The following ARL6 variants were observed in gnomAD, a reference collection of about 807,000 sequenced individuals.
ARL6 encodes ADP-ribosylation factor-like protein 6.
A neutral mutation model predicts 27.1 loss-of-function variants in ARL6; 18 were observed. The ratio of observed to expected loss-of-function variants is 0.66; its 90% CI spans 0.46 to 0.98. The LOEUF (loss-of-function observed/expected upper bound fraction) is 0.98. ARL6 is among the 50% of genes least tolerant of loss of function. The pLI is 0.00. For missense variants in ARL6, 187 were observed against 214.9 expected (o/e 0.87, Z 0.81); for synonymous variants, 65 against 72.3 (o/e 0.90, Z 0.51).
chr3:97,800,013 T>G lies in ARL6; in HGVS notation c.*1964T>G, dbSNP rs370982672. Reference sequence around the variant, plus strand: ...CTTTGCTTTTTTTGTTTTCTTTTTTTTTCTTTTAAAGCTATTAACACTACT... The same window carrying G: ...CTTTGCTTTTTTTGTTTTCTTTTTTGTTCTTTTAAAGCTATTAACACTACT... On this transcript the variant is annotated 3_prime_UTR_variant, in exon 8 of 8. Coordinates refer to ENST00000463745, the MANE Select transcript of ARL6 (RefSeq NM_001278293.3). The G allele has an allele frequency of 6.6e-6, 1 of 152,138 alleles. No homozygotes were observed. The highest frequency in any genetic ancestry group is 2.1e-4 in the South Asian group (1 of 4,832). 9.4% of individuals were successfully genotyped at this position (152,138 alleles called of 1,614,324 possible). A position where few individuals can be genotyped will look rare whatever the true frequency, so the allele number is the denominator to read the frequency against.
At chr3:97,774,125 C>T (rs927259978) in intron 2 of ARL6, among the ~76,000 whole-genome samples, 1 of 152,204 alleles carries the variant, frequency 6.6e-6, no homozygotes, top group Non-Finnish European at 1.5e-5. Context: ...CCCGGATAGT[C>T]ACCCCAGCCA....
rs2037384407 is a variant in ARL6, at chr3:97,785,032, C to T, written c.332C>T (p.Thr111Ile). The change falls in exon 5 of 8, where the codon ACT (threonine) becomes ATT (isoleucine). Residue 111 changes from threonine to isoleucine, a missense_variant. Coordinates refer to ENST00000463745, the MANE Select transcript of ARL6 (RefSeq NM_001278293.3). ...RMVVAKEELDTLLNHPDIKHR... is the reference protein window; with the variant it reads ...RMVVAKEELDILLNHPDIKHR... ...GTTGTGGCCAAAGAAGAACTCGATA[C>T]TCTTCTGAATCATCCAGGTATGTGT... is the stretch of plus-strand genomic sequence containing the variant. The T allele has an allele frequency of 6.2e-7, 1 of 1,611,798 alleles. No individual in the cohort carries two copies. The highest frequency in any genetic ancestry group is 8.5e-7 in the Non-Finnish European group (1 of 1,178,330).
At chr3:97,782,018 A>G (rs1267446287) in intron 4 of ARL6, among the ~76,000 whole-genome samples, 2 of 151,988 alleles carry the variant, frequency 1.3e-5, no homozygotes, top group African/African-American at 4.8e-5. Context: ...TTGAAGGCCT[A>G]TTTAAATCGT....
chr3:97,767,990 T>C, intron 1 of ARL6, 91 bp from the exon 2 acceptor site: 2 of 1,151,194 alleles, frequency 1.7e-6, no homozygotes, highest in Non-Finnish European at 2.5e-6. Context: ...ATTATGTGTA[T>C]TTAAATTATT....
At chr3:97,796,045 C>T (rs928263065) in intron 7 of ARL6, among the ~76,000 whole-genome samples, 9 of 152,058 alleles carry the variant, frequency 5.9e-5, no homozygotes, top group African/African-American at 1.4e-4. Context: ...CTTAGCCAGA[C>T]GTACTAAAAG....
chr3:97,778,530 T>C (rs2037020024), intron 2 of ARL6, among the ~76,000 whole-genome samples: 1 of 152,158 alleles, frequency 6.6e-6, no homozygotes, highest in Non-Finnish European at 1.5e-5. Context: ...TTTTCCCCTC[T>C]AATACTGTTT....
intron 2 of ARL6, among the ~76,000 whole-genome samples, chr3:97,777,229 T>C (rs2036953189): frequency 6.6e-6 from 1 of 152,180 alleles, no homozygotes. Flanking sequence ...ACTAACCAAA[T>C]AGGATCTCTC....
Position 97,768,072 on chromosome 3 carries a change from TA to T in ARL6, c.-27-7del. 2 of 1,611,014 alleles carry T rather than the reference TA, an allele frequency of 1.2e-6. No homozygotes were observed. Among genetic ancestry groups the T allele is most frequent in the South Asian group, 1.1e-5 (1 of 90,946 alleles). On this transcript the variant is annotated splice_region_variant and splice_polypyrimidine_tract_variant and intron_variant, in intron 1 of 7. Coordinates refer to ENST00000463745, the MANE Select transcript of ARL6 (RefSeq NM_001278293.3). ...CTTTGGGTAATATTTTATTTTTTCTTAATTGCAGCTGGTTTGTAAATATTTG... is the reference window on the plus strand; with the variant it reads ...CTTTGGGTAATATTTTATTTTTTCTTATTGCAGCTGGTTTGTAAATATTTG...
intron 4 of ARL6, 113 bp downstream of exon 4, chr3:97,780,796 A>G (rs2037159070): frequency 1.3e-6 from 1 of 798,858 alleles, no homozygotes. Context: ...CATGTAATTT[A>G]TGAACATTTC....
chr3:97,794,217 G>GTGTGTT (rs1235955944), intron 7 of ARL6, among the ~76,000 whole-genome samples: 2 of 145,678 alleles, frequency 1.4e-5, no homozygotes, highest in African/African-American at 5.5e-5. Flanking sequence ...GTGTGTGTGT[G>GTGTGTT]TTTTTGAGAT....
chr3:97,792,905 G>A (rs1364540893), intron 7 of ARL6, among the ~76,000 whole-genome samples: 1 of 152,010 alleles, frequency 6.6e-6, no homozygotes, highest in Non-Finnish European at 1.5e-5. Context: ...ATAAATTCTA[G>A]CTACAGTCTC....
At chr3:97,775,255 T>C (rs1450728712) in intron 2 of ARL6, among the ~76,000 whole-genome samples, 2 of 152,150 alleles carry the variant, frequency 1.3e-5, no homozygotes, top group Non-Finnish European at 2.9e-5. Flanking sequence ...GATAGATAGA[T>C]ATACATATAA....
At chr3:97,795,153 G>A (rs1198638111) in intron 7 of ARL6, among the ~76,000 whole-genome samples, 1 of 152,262 alleles carries the variant, frequency 6.6e-6, no homozygotes, top group East Asian at 1.9e-4. Flanking sequence ...GCACGATTCT[G>A]TTGTCTTTGG....
intron 5 of ARL6, 102 bp downstream of exon 5, chr3:97,785,151 T>A: frequency 1.1e-6 from 1 of 886,672 alleles, no homozygotes; most frequent in South Asian, 1.7e-5. Flanking sequence ...ATCTTTCATT[T>A]AAAATTTTTG....
chr3:97,774,490 G>A (rs1020994263), intron 2 of ARL6, among the ~76,000 whole-genome samples: 1 of 152,102 alleles, frequency 6.6e-6, no homozygotes, highest in Admixed American at 6.5e-5. Context: ...AAAGGCTGAT[G>A]GCAGCATGGG....
chr3:97,791,005 C>G (rs1217654013), intron 6 of ARL6, among the ~76,000 whole-genome samples: 2 of 152,018 alleles, frequency 1.3e-5, no homozygotes, highest in Non-Finnish European at 1.5e-5. Context: ...TTATCTGATC[C>G]TCTAAAAATC....
chr3:97,789,624 A>G (rs750497096), intron 6 of ARL6, among the ~76,000 whole-genome samples: 13 of 152,178 alleles, frequency 8.5e-5, no homozygotes, highest in Admixed American at 2.6e-4. Context: ...GATAACTTAT[A>G]TAAGAAAGCA....
chr3:97,770,215 G>A (rs943260176), intron 2 of ARL6, among the ~76,000 whole-genome samples: 1 of 151,726 alleles, frequency 6.6e-6, no homozygotes, highest in Non-Finnish European at 1.5e-5. Context: ...TGCCTTTTTT[G>A]ATAAAGGCAA....
chr3:97,772,563 G>T, intron 2 of ARL6, among the ~76,000 whole-genome samples: 1 of 143,350 alleles, frequency 7.0e-6, no homozygotes, highest in African/African-American at 2.6e-5. Context: ...GTTTAGATTT[G>T]TTCTTCCTTT....
Sources: gnomAD v4.1 joint callset for allele counts (sites outside exome capture counted in the v4.1 genomes callset) on GRCh38, gnomAD v4.1.1 for gene constraint, MANE v1.5 for transcripts, NCBI Gene and HGNC (gene_info 2026-07-23, HGNC 2026-07-21) for gene names.